The following GPC4 variants were observed in gnomAD, a reference collection of about 807,000 sequenced individuals.
GPC4 encodes glypican-4.
A neutral mutation model predicts 35.0 loss-of-function variants in GPC4; 10 were observed. That is an observed-to-expected ratio of 0.29 (90% confidence interval 0.18 to 0.48). The LOEUF is 0.48. Among genes scored for constraint, GPC4 ranks in the 20% least tolerant of loss-of-function variants. The pLI, the probability that GPC4 is intolerant of heterozygous loss-of-function variation, is 0.99. For synonymous variants in GPC4, 167 were observed against 170.2 expected, an observed-to-expected ratio of 0.98 and a Z score of 0.15; for missense variants, 322 against 451.3, an observed-to-expected ratio of 0.71 and a Z score of 2.60.
intron 2 of GPC4, among the ~76,000 whole-genome samples, chrX:133,325,289 A>T (rs7885152): frequency 0.43 from 45,934 of 106,326 alleles, 9,243 homozygotes; most frequent in African/African-American, 0.78. Context: ...TGTGTGTGTG[A>T]GAGAGAGAGA....
At chrX:133,352,702 G>GAT (rs1302966243) in intron 1 of GPC4, among the ~76,000 whole-genome samples, 2 of 111,258 alleles carry the variant, frequency 1.8e-5, no homozygotes, top group African/African-American at 6.5e-5. Context: ...TCAAGTGACT[G>GAT]ATATATACTC....
chrX:133,305,228 T>C (rs2068285748), intron 6 of GPC4, among the ~76,000 whole-genome samples: 1 of 112,000 alleles, frequency 8.9e-6, no homozygotes, highest in African/African-American at 3.2e-5. Flanking sequence ...ACATAGCTGC[T>C]ATTGCTCTTT....
intron 2 of GPC4, among the ~76,000 whole-genome samples, chrX:133,332,815 T>C (rs2068426670): frequency 8.9e-6 from 1 of 112,619 alleles, no homozygotes; most frequent in East Asian, 2.8e-4. Context: ...AATGCTGTGA[T>C]GAACATCCTA....
chrX:133,329,650 C>T (rs902918307), intron 2 of GPC4, among the ~76,000 whole-genome samples: 3 of 111,138 alleles, frequency 2.7e-5, no homozygotes, highest in African/African-American at 9.8e-5. Context: ...ACACACACCA[C>T]ACACATATAA....
At chrX:133,308,248 C>T (rs144770895) in intron 4 of GPC4, among the ~76,000 whole-genome samples, 245 of 111,841 alleles carry the variant, frequency 2.2e-3, no homozygotes, top group African/African-American at 7.2e-3. Flanking sequence ...CCCTTGTTTG[C>T]GGGATATCTG....
At chrX:133,332,130 C>T (rs890299576) in intron 2 of GPC4, among the ~76,000 whole-genome samples, 1 of 111,655 alleles carries the variant, frequency 9.0e-6, no homozygotes, top group Non-Finnish European at 1.9e-5. Flanking sequence ...TTCACCAAAG[C>T]AGTTTCCATA....
chrX:133,328,364 C>T (rs1171308555), intron 2 of GPC4, among the ~76,000 whole-genome samples: 4 of 110,767 alleles, frequency 3.6e-5, no homozygotes, highest in African/African-American at 1.3e-4. Flanking sequence ...AAATCCATAG[C>T]AATTGGGTAC....
intron 3 of GPC4, among the ~76,000 whole-genome samples, chrX:133,319,552 T>C (rs2068355157): frequency 9.2e-6 from 1 of 108,537 alleles, no homozygotes; most frequent in African/African-American, 3.4e-5. Context: ...AACACATCCC[T>C]TACTTTGAAA....
intron 3 of GPC4, among the ~76,000 whole-genome samples, chrX:133,320,865 A>C (rs1471965275): frequency 1.8e-5 from 2 of 108,460 alleles, no homozygotes; most frequent in East Asian, 2.9e-4. Context: ...CAACCAACCA[A>C]CAACAACAAC....
chrX:133,357,370 G>A (rs2068546048), intron 1 of GPC4, among the ~76,000 whole-genome samples: 1 of 99,872 alleles, frequency 1.0e-5, no homozygotes, highest in African/African-American at 3.7e-5. Flanking sequence ...GGTGACAGAG[G>A]AAGACTCTCT....
intron 3 of GPC4, among the ~76,000 whole-genome samples, chrX:133,319,744 T>C (rs2068356016): frequency 9.0e-6 from 1 of 111,701 alleles, no homozygotes; most frequent in African/African-American, 3.3e-5. Flanking sequence ...GAATCTTATT[T>C]ATAAATTAAT....
intron 1 of GPC4, among the ~76,000 whole-genome samples, chrX:133,358,118 G>A (rs1295493752): frequency 8.9e-6 from 1 of 112,177 alleles, no homozygotes; most frequent in Non-Finnish European, 1.9e-5. Context: ...ATGAGCTACA[G>A]AATCTTTTCT....
At chrX:133,380,328 C>T (rs1160019053) in intron 1 of GPC4, among the ~76,000 whole-genome samples, 2 of 109,446 alleles carry the variant, frequency 1.8e-5, no homozygotes, top group Non-Finnish European at 3.8e-5. Context: ...CAGATCAAGA[C>T]TCTGTCTGCC....
chrX:133,347,256 T>TG (rs2068496638), intron 1 of GPC4, among the ~76,000 whole-genome samples: 2 of 88,100 alleles, frequency 2.3e-5, no homozygotes, highest in Admixed American at 1.3e-4. Flanking sequence ...AAGTTTTTTT[T>TG]TTTTTTTTTT....
intron 1 of GPC4, among the ~76,000 whole-genome samples, chrX:133,343,498 T>C (rs2068475499): frequency 8.9e-6 from 1 of 111,951 alleles, no homozygotes. Flanking sequence ...TTCCTTGTTC[T>C]TAATTTAAAA....
chrX:133,341,380 T>C (rs959133736), intron 1 of GPC4, among the ~76,000 whole-genome samples: 1 of 112,112 alleles, frequency 8.9e-6, no homozygotes, highest in Non-Finnish European at 1.9e-5. Context: ...AGAACCCACA[T>C]AGGGTGATTT....
At chrX:133,406,690 A>G (rs1372055945) in intron 1 of GPC4, among the ~76,000 whole-genome samples, 1 of 98,542 alleles carries the variant, frequency 1.0e-5, no homozygotes, top group Non-Finnish European at 2.0e-5. Context: ...CGGAGGTTGC[A>G]GTGAGTGGAG....
intron 4 of GPC4, among the ~76,000 whole-genome samples, chrX:133,310,236 T>A (rs370614254): frequency 6.2e-4 from 69 of 111,062 alleles, no homozygotes; most frequent in African/African-American, 2.1e-3. Flanking sequence ...GACAAATAAG[T>A]GAAAAACAGG....
intron 3 of GPC4, among the ~76,000 whole-genome samples, chrX:133,318,103 A>G (rs2068346996): frequency 9.0e-6 from 1 of 111,390 alleles, no homozygotes; most frequent in South Asian, 3.8e-4. Context: ...AACTCAATGT[A>G]TTCAATTTGA....
Sources: allele counts gnomAD v4.1 joint callset (sites outside exome capture counted in the v4.1 genomes callset), GRCh38; gene constraint gnomAD v4.1.1; transcripts MANE v1.5; gene names NCBI Gene and HGNC (gene_info 2026-07-23, HGNC 2026-07-21).